The following SLC24A3 variants were observed in gnomAD, a reference collection of about 807,000 sequenced individuals.
SLC24A3 encodes the protein sodium/potassium/calcium exchanger 3.
A neutral mutation model predicts 75.8 loss-of-function variants in SLC24A3; 28 were observed. That is an observed-to-expected ratio of 0.37 (90% confidence interval 0.27 to 0.51). The LOEUF is 0.51. SLC24A3 is among the 20% of genes least tolerant of loss of function. SLC24A3 has a pLI of 0.94. For synonymous variants in SLC24A3, 372 were observed against 334.1 expected, an observed-to-expected ratio of 1.11 and a Z score of -1.24; for missense variants, 663 against 847.8, an observed-to-expected ratio of 0.78 and a Z score of 2.71.
At chr20:19,519,087 T>C (rs1019581160) in intron 3 of SLC24A3, among the ~76,000 whole-genome samples, 2 of 152,156 alleles carry the variant, frequency 1.3e-5, no homozygotes, top group Non-Finnish European at 2.9e-5. Context: ...CTGCTCGTAG[T>C]CATGGATCTG....
chr20:19,218,825 G>C (rs762453505), intron 1 of SLC24A3, among the ~76,000 whole-genome samples: 1 of 151,960 alleles, frequency 6.6e-6, no homozygotes, highest in Non-Finnish European at 1.5e-5. Context: ...TTCTTTTTCT[G>C]TATGGAGGTT....
intron 1 of SLC24A3, among the ~76,000 whole-genome samples, chr20:19,248,271 G>A (rs890669801): frequency 6.6e-5 from 10 of 152,168 alleles, no homozygotes; most frequent in African/African-American, 1.9e-4. Context: ...AGAGAATTCT[G>A]TGTGCCCCGC....
intron 3 of SLC24A3, among the ~76,000 whole-genome samples, chr20:19,540,711 A>C (rs1219505180): frequency 6.6e-6 from 1 of 152,196 alleles, no homozygotes; most frequent in East Asian, 1.9e-4. Context: ...TGCTGCATTC[A>C]TGGGTAAGTT....
intron 4 of SLC24A3, among the ~76,000 whole-genome samples, chr20:19,582,766 G>A (rs566289354): frequency 3.9e-5 from 6 of 152,308 alleles, no homozygotes; most frequent in Middle Eastern, 3.4e-3. Context: ...GCACTGAGGC[G>A]GGAAGGGAGA....
In SLC24A3 at chr20:19,229,014, A is replaced by G. The variant is rs1488572069; in HGVS notation, c.142+16030A>G. 2.0e-5 allele frequency among the ~76,000 whole-genome samples: 3 copies of G among 152,228 alleles called. No homozygotes were observed. In the East Asian group the frequency reaches 5.8e-4, roughly 29 times the overall value. On this transcript the variant is annotated intron_variant, in intron 1 of 16. Transcript: ENST00000328041. ...TTGAAAATTTGACAAAAGCACTTAT[A>G]GTGCTGCCTGCCTTACAGTCTTCTA... is the stretch of plus-strand genomic sequence containing the variant.
intron 2 of SLC24A3, among the ~76,000 whole-genome samples, chr20:19,422,577 C>T (rs1201864788): frequency 6.6e-6 from 1 of 152,162 alleles, no homozygotes; most frequent in Admixed American, 6.5e-5. Context: ...ACCCTGGCTG[C>T]ACATTAAGGT....
chr20:19,607,376 C>T, intron 6 of SLC24A3, among the ~76,000 whole-genome samples: 1 of 152,182 alleles, frequency 6.6e-6, no homozygotes, highest in East Asian at 1.9e-4. Flanking sequence ...GTCCCCTCCT[C>T]TGGCACCCCA....
intron 2 of SLC24A3, among the ~76,000 whole-genome samples, chr20:19,448,596 A>AGT (rs1370588451): frequency 6.6e-6 from 1 of 152,140 alleles, no homozygotes; most frequent in South Asian, 2.1e-4. Flanking sequence ...ATTGTATCCC[A>AGT]GTGTGTGTGT....
chr20:19,453,070 A>G (rs1301297470), intron 2 of SLC24A3, among the ~76,000 whole-genome samples: 5 of 151,982 alleles, frequency 3.3e-5, no homozygotes, highest in Non-Finnish European at 7.4e-5. Context: ...AATCCCAGCT[A>G]CTCAGGAGAC....
intron 6 of SLC24A3, among the ~76,000 whole-genome samples, chr20:19,639,931 C>T (rs1476935337): frequency 6.6e-6 from 1 of 152,260 alleles, no homozygotes; most frequent in African/African-American, 2.4e-5. Context: ...GCTCCGAGTG[C>T]GGGGGCTGCC....
At chr20:19,509,980 T>G (rs1264149096) in intron 2 of SLC24A3, among the ~76,000 whole-genome samples, 1 of 152,222 alleles carries the variant, frequency 6.6e-6, no homozygotes, top group African/African-American at 2.4e-5. Flanking sequence ...GATTAAACAC[T>G]GTGATACCAA....
intron 3 of SLC24A3, among the ~76,000 whole-genome samples, chr20:19,561,053 G>A (rs527639032): frequency 7.4e-4 from 113 of 152,272 alleles, no homozygotes; most frequent in African/African-American, 2.5e-3. Flanking sequence ...GCTCCTGTAA[G>A]CCGTCTACAT....
chr20:19,570,973 A>T (rs1420868562), intron 3 of SLC24A3, among the ~76,000 whole-genome samples: 1 of 152,110 alleles, frequency 6.6e-6, no homozygotes, highest in Admixed American at 6.5e-5. Context: ...AGGGGATTTG[A>T]GGCCTGGTAG....
intron 1 of SLC24A3, among the ~76,000 whole-genome samples, chr20:19,246,655 A>G (rs1002920675): frequency 1.3e-5 from 2 of 152,220 alleles, no homozygotes; most frequent in African/African-American, 2.4e-5. Context: ...ATTTAAATCT[A>G]TGATGTAATT....
At position 19,419,450 on chromosome 20, in the gene SLC24A3, G is replaced by A. The variant is rs1986880170; in HGVS notation, c.272-96038G>A. Among the ~76,000 whole-genome samples the A allele has an allele frequency of 2.0e-5, 3 of 152,094 alleles. No homozygotes were observed. The South Asian group carries it at 6.2e-4, about 32-fold the overall frequency. ...AGTTTACACTGAATGCAAGGACCGG[G>A]GATCTGGTATAAAGGTTTTTGCAAG... On this transcript the variant is annotated intron_variant, in intron 2 of 16. Coordinates refer to ENST00000328041, the MANE Select transcript of SLC24A3 (RefSeq NM_020689.4).
chr20:19,261,809 C>T (rs999062812), intron 1 of SLC24A3: 2 of 152,248 alleles, frequency 1.3e-5, no homozygotes, highest in East Asian at 3.8e-4. Context: ...TGGTGTTTCT[C>T]ATGACAATGC....
intron 2 of SLC24A3, among the ~76,000 whole-genome samples, chr20:19,315,164 C>T (rs764750278): frequency 6.4e-4 from 97 of 152,336 alleles, no homozygotes; most frequent in Admixed American, 1.3e-3. Flanking sequence ...CTTGCACCCA[C>T]ACCTGTCTCT....
chr20:19,494,247 A>G (rs919405796), intron 2 of SLC24A3, among the ~76,000 whole-genome samples: 6 of 152,256 alleles, frequency 3.9e-5, no homozygotes, highest in African/African-American at 1.4e-4. Flanking sequence ...AAAACTTTTT[A>G]GACAGTTTTA....
In SLC24A3 at chr20:19,306,915, C is replaced by G. The variant is rs915683984; in HGVS notation, c.271+25828C>G. ...ACAAACAAAAACCTCTCACGTGACA[C>G]TGCATAGCTTTTCTGTCAGTAGAGG... is the stretch of plus-strand genomic sequence containing the variant. On this transcript the variant is annotated intron_variant, in intron 2 of 16. Transcript: ENST00000328041. Among the ~76,000 whole-genome samples, 9 of 152,310 alleles carry G rather than the reference C, an allele frequency of 5.9e-5. No individual in the cohort carries two copies. The East Asian group carries it at 1.3e-3, about 23-fold the overall frequency.
Sources: allele counts gnomAD v4.1 joint callset (sites outside exome capture counted in the v4.1 genomes callset), GRCh38; gene constraint gnomAD v4.1.1; transcripts MANE v1.5; gene names NCBI Gene and HGNC (gene_info 2026-07-23, HGNC 2026-07-21).